The following TULP4 variants were observed in gnomAD, a reference collection of about 807,000 sequenced individuals.
The protein encoded by TULP4 is tubby-related protein 4.
Under a neutral mutation model 129.0 loss-of-function variants are expected in TULP4, and 16 were observed. The observed-to-expected ratio is 0.12, with a 90% CI of 0.08 to 0.19. The LOEUF is 0.19. TULP4 is among the 10% of genes least tolerant of loss of function. The pLI, the probability that TULP4 is intolerant of heterozygous loss-of-function variation, is 1.00. For missense variants in TULP4, 1,842 were observed against 2,059.1 expected, an observed-to-expected ratio of 0.89 and a Z score of 2.04; for synonymous variants, 998 against 854.0, an observed-to-expected ratio of 1.17 and a Z score of -2.94.
chr6:158,236,917 G>A (rs949115133), intron 1 of TULP4, among the ~76,000 whole-genome samples: 30 of 141,574 alleles, frequency 2.1e-4, no homozygotes, highest in African/African-American at 7.4e-4. Context: ...AGTTTCAAGC[G>A]ATTCTGCCTC....
intron 4 of TULP4, among the ~76,000 whole-genome samples, chr6:158,450,990 G>A (rs576469671): frequency 4.6e-5 from 7 of 152,230 alleles, no homozygotes; most frequent in East Asian, 1.9e-4. Flanking sequence ...GCTTGAACCC[G>A]GGAGGCGGAG....
At chr6:158,467,947 C>T (rs1176846663) in intron 6 of TULP4, among the ~76,000 whole-genome samples, 3 of 152,190 alleles carry the variant, frequency 2.0e-5, no homozygotes, top group East Asian at 3.8e-4. Context: ...TATGTTGGGG[C>T]AGCAATCCTC....
At chr6:158,399,764 G>C (rs1286256173) in intron 1 of TULP4, among the ~76,000 whole-genome samples, 1 of 152,234 alleles carries the variant, frequency 6.6e-6, no homozygotes, top group Non-Finnish European at 1.5e-5. Context: ...AAAGTCCCAA[G>C]TTAGTAGTTC....
At position 158,300,150 on chromosome 6, in the gene TULP4, T is replaced by C. The variant is rs1012086095; in HGVS notation, n.117-11901T>C. On this transcript the variant is annotated intron_variant and non_coding_transcript_variant, in intron 1 of 1. Transcript: ENST00000432358. ...GACGTCTCTTCCCTATGGTTTTTAT[T>C]GTCAGTATTCACACGAAGTTTAAGT... Among the ~76,000 whole-genome samples, 2 of 152,188 alleles carry C rather than the reference T, an allele frequency of 1.3e-5. 1 individual carries two copies. Among genetic ancestry groups the C allele is most frequent in the Non-Finnish European group, 2.9e-5 (2 of 68,032 alleles).
Position 158,502,743 on chromosome 6 carries a change from C to A in TULP4, c.3080C>A (p.Pro1027Gln). ...GGPGGVVTQL[P>Q]ARPPPALYTC... ...CCCGGGGGGGTGGTGACACAGCTCC[C>A]AGCGCGGCCCCCACCTGCCCTGTAC... The change falls in exon 13 of 14, where the codon CCA becomes CAA. Residue 1027 changes from proline to glutamine, a missense_variant. Around this residue, in one of 5 missense-constraint regions of TULP4, gnomAD observed 1,089 missense variants for 987.1 expected, o/e 1.10. Transcript: ENST00000367097. 1 of 1,582,828 alleles carries A rather than the reference C, an allele frequency of 6.3e-7. No individual in the cohort carries two copies. Among genetic ancestry groups the A allele is most frequent in the South Asian group, 1.1e-5 (1 of 89,312 alleles).
At chr6:158,305,318 T>TGTGTGG (rs1779199503) in intron 1 of TULP4, among the ~76,000 whole-genome samples, 1 of 107,846 alleles carries the variant, frequency 9.3e-6, no homozygotes, top group Non-Finnish European at 1.9e-5. Context: ...TATTTCATTC[T>TGTGTGG]GTGTGCGTGT....
At chr6:158,334,451 A>G (rs375595110) in intron 1 of TULP4, among the ~76,000 whole-genome samples, 28 of 152,350 alleles carry the variant, frequency 1.8e-4, no homozygotes, top group African/African-American at 6.3e-4. Context: ...AGAATATGGT[A>G]TATAATACAT....
At position 158,507,980 on chromosome 6, in the gene TULP4, C is replaced by T. The variant is rs1384143907; in HGVS notation, c.*1286C>T. 2.0e-5 allele frequency: 3 copies of T among 152,000 alleles called. No homozygotes were observed. Among genetic ancestry groups the T allele is most frequent in the Non-Finnish European group, 2.9e-5 (2 of 68,004 alleles). The allele number at this position is 152,000 out of a possible 1,614,324, so 9.4% of individuals were successfully genotyped here. A position where few individuals can be genotyped will look rare whatever the true frequency, so the allele number is the denominator to read the frequency against. ...CAGACTGTTTACTAAGGAGCTAAACCACTGAGAAAACGTTATTAAAATTGT... is the reference window on the plus strand; with the variant it reads ...CAGACTGTTTACTAAGGAGCTAAACTACTGAGAAAACGTTATTAAAATTGT... On this transcript the variant is annotated 3_prime_UTR_variant, in exon 14 of 14. Coordinates refer to ENST00000367097, the MANE Select transcript of TULP4 (RefSeq NM_020245.5).
rs574542088 is a variant in TULP4, at chr6:158,314,767, G to A, written c.252+499G>A. Among the ~76,000 whole-genome samples, 170 of 152,262 alleles carry A rather than the reference G, an allele frequency of 1.1e-3. 3 individuals carry two copies. In the South Asian group the frequency reaches 0.018, roughly 16 times the overall value. On this transcript the variant is annotated intron_variant, in intron 1 of 13. Coordinates refer to ENST00000367097, the MANE Select transcript of TULP4 (RefSeq NM_020245.5). ...CTTAACACTTGGCTTGTATGTTTTC[G>A]TACTTGGAGGTAAAGAAGTAGTTAA...
chr6:158,415,438 C>T (rs1778186290), intron 2 of TULP4, among the ~76,000 whole-genome samples: 1 of 151,262 alleles, frequency 6.6e-6, no homozygotes, highest in Non-Finnish European at 1.5e-5. Flanking sequence ...CAAGCTCCGC[C>T]TCCCGGGTTC....
At position 158,479,838 on chromosome 6, in the gene TULP4, C is replaced by A; in HGVS notation, c.1114C>A (p.His372Asn). ...GPALYVVRVE[H>N]RVSSLQLLCQ... Reference sequence around the variant, plus strand: ...AGCCCTGTACGTGGTGCGTGTGGAGCACCGGGTGTCCAGCCTGCAGCTGCT... The same window carrying A: ...AGCCCTGTACGTGGTGCGTGTGGAGAACCGGGTGTCCAGCCTGCAGCTGCT... The change falls in exon 7 of 14, where the codon CAC becomes AAC. Residue 372 changes from histidine (H) to asparagine (N), a missense_variant. Physicochemically the swap from His to Asn is moderately conservative, Grantham distance 68. Coordinates refer to ENST00000367097, the MANE Select transcript of TULP4 (RefSeq NM_020245.5). The A allele has an allele frequency of 6.2e-7, 1 of 1,614,106 alleles. No individual in the cohort carries two copies. Among genetic ancestry groups the A allele is most frequent in the South Asian group, 1.1e-5 (1 of 91,088 alleles).
chr6:158,469,072 T>C (rs1207605693), intron 6 of TULP4, among the ~76,000 whole-genome samples: 1 of 152,128 alleles, frequency 6.6e-6, no homozygotes, highest in Non-Finnish European at 1.5e-5. Flanking sequence ...ATTTTTATTT[T>C]ATGAGCAAGG....
At chr6:158,375,198 G>A (rs532970067) in intron 1 of TULP4, among the ~76,000 whole-genome samples, 16 of 152,128 alleles carry the variant, frequency 1.1e-4, no homozygotes, top group Non-Finnish European at 1.5e-4. Context: ...AACCGAGATC[G>A]CACCATGGCA....
chr6:158,370,685 T>TA (rs1234635014), intron 1 of TULP4, among the ~76,000 whole-genome samples: 9 of 152,202 alleles, frequency 5.9e-5, no homozygotes, highest in African/African-American at 1.9e-4. Context: ...ATATGGAAGA[T>TA]AATCTTGAAA....
At chr6:158,291,122 CATT>C (rs1390985344) in intron 1 of TULP4, among the ~76,000 whole-genome samples, 1 of 152,158 alleles carries the variant, frequency 6.6e-6, no homozygotes, top group Non-Finnish European at 1.5e-5. Context: ...TTTGAACAGA[CATT>C]GTTTAATTTT....
At chr6:158,465,036 CG>C in intron 6 of TULP4, among the ~76,000 whole-genome samples, 1 of 152,250 alleles carries the variant, frequency 6.6e-6, no homozygotes, top group Admixed American at 6.5e-5. Context: ...CTTATTGCTA[CG>C]AAGAGTCAGT....
intron 1 of TULP4, among the ~76,000 whole-genome samples, chr6:158,275,087 G>T (rs751061392): frequency 1.3e-5 from 2 of 152,208 alleles, no homozygotes; most frequent in Non-Finnish European, 2.9e-5. Context: ...TTTTGAAAAT[G>T]TGTTCTGAGT....
chr6:158,393,176 C>T (rs1200061057), intron 1 of TULP4, among the ~76,000 whole-genome samples: 2 of 152,224 alleles, frequency 1.3e-5, no homozygotes, highest in Non-Finnish European at 2.9e-5. Context: ...TCCTTTGACT[C>T]CATGTCTCAT....
In TULP4 at chr6:158,506,222, C is replaced by CTTTTTTTTTT. The variant is rs61292138; in HGVS notation, c.4516-337_4516-328dup. Among the ~76,000 whole-genome samples the CTTTTTTTTTT allele has an allele frequency of 1.1e-3, 60 of 55,504 alleles. 6 individuals carry two copies. Among genetic ancestry groups the CTTTTTTTTTT allele is most frequent in the East Asian group, 2.0e-3 (4 of 1,960 alleles). 36.4% of individuals were successfully genotyped at this position (55,504 alleles called of 152,430 possible). A position where few individuals can be genotyped will look rare whatever the true frequency, so the allele number is the denominator to read the frequency against. ...CGGCTGTCGCCTTGCTCGCCTTGTT[C>CTTTTTTTTTT]TTTTTTTTTTTTTTTTTTTTTTTTT... On this transcript the variant is annotated intron_variant, in intron 13 of 13. Transcript: ENST00000367097.
Sources: allele counts gnomAD v4.1 joint callset (sites outside exome capture counted in the v4.1 genomes callset), GRCh38; gene constraint gnomAD v4.1.1; regional missense constraint gnomAD v4.1.1; transcripts MANE v1.5; gene names NCBI Gene and HGNC (gene_info 2026-07-23, HGNC 2026-07-21).